INPP5A: variants seen among roughly 807,000 people sequenced by gnomAD.
INPP5A encodes inositol polyphosphate-5-phosphatase A.
Under a neutral mutation model 65.2 loss-of-function variants are expected in INPP5A, and 14 were observed. The ratio of observed to expected loss-of-function variants is 0.21; its 90% confidence interval spans 0.14 to 0.34. The LOEUF is 0.34. INPP5A is among the 10% of genes least tolerant of loss of function. The pLI, the probability that INPP5A is intolerant of heterozygous loss-of-function variation, is 1.00. For missense variants in INPP5A, 431 were observed against 545.6 expected (o/e 0.79, Z 2.09); for synonymous variants, 207 against 208.3 (o/e 0.99, Z 0.05).
chr10:132,670,101 C>T (rs1023795106), intron 4 of INPP5A, among the ~76,000 whole-genome samples: 2 of 143,220 alleles, frequency 1.4e-5, no homozygotes, highest in African/African-American at 5.2e-5. Flanking sequence ...CTAAACCCCA[C>T]GTCCTGAAAC....
chr10:132,720,981 G>A (rs532460408), intron 8 of INPP5A, among the ~76,000 whole-genome samples: 91 of 127,346 alleles, frequency 7.1e-4, no homozygotes, highest in African/African-American at 2.2e-3. Context: ...GTTCTGTGGT[G>A]CCTGGGTTCT....
chr10:132,604,517 G>C (rs181826723), intron 1 of INPP5A, among the ~76,000 whole-genome samples: 133 of 152,334 alleles, frequency 8.7e-4, no homozygotes, highest in Middle Eastern at 3.4e-3. Context: ...GTGAGGTTTG[G>C]GGGGAAAGGG....
chr10:132,608,423 A>AC (rs1210677542), intron 2 of INPP5A, among the ~76,000 whole-genome samples: 1 of 152,106 alleles, frequency 6.6e-6, no homozygotes, highest in Non-Finnish European at 1.5e-5. Context: ...CGAGGCACGG[A>AC]CCCCCCTGTC....
At chr10:132,687,917 GAGTTTAAATGCACTCCTTGA>G (rs1845166642) in intron 4 of INPP5A, among the ~76,000 whole-genome samples, 1 of 152,220 alleles carries the variant, frequency 6.6e-6, no homozygotes, top group African/African-American at 2.4e-5. Context: ...CTCTTTTTAG[GAGTTTAAATGCACTCCTTGA>G]AGTGTGTTCT....
At chr10:132,777,585 T>C (rs1028585300) in intron 12 of INPP5A, 86 bp from the exon 13 acceptor site, 88 of 1,193,270 alleles carry the variant, frequency 7.4e-5, no homozygotes, top group Admixed American at 3.1e-4. Context: ...CTAAGGTGTA[T>C]TGGGAGAGAA....
chr10:132,637,668 T>G lies in INPP5A; in HGVS notation c.118-8200T>G, dbSNP rs1239535522. On this transcript the variant is annotated intron_variant, in intron 2 of 15. Coordinates refer to ENST00000368594, the MANE Select transcript of INPP5A (RefSeq NM_005539.5). The surrounding 1 kb of genome is among the most constrained non-coding windows in gnomAD (Gnocchi z 4.1). Reference sequence around the variant, plus strand: ...TGTGGCTGTCCTCCTCTGTCATGACTGTTCTGTGCTTTGCCTTTGCCGCCC... The same window carrying G: ...TGTGGCTGTCCTCCTCTGTCATGACGGTTCTGTGCTTTGCCTTTGCCGCCC... 2.0e-5 allele frequency among the ~76,000 whole-genome samples: 3 copies of G among 152,212 alleles called. No individual in the cohort carries two copies. The highest frequency in any genetic ancestry group is 2.1e-4 in the South Asian group (1 of 4,830).
In INPP5A at chr10:132,697,256, G is replaced by T. The variant is rs150854693; in HGVS notation, c.371-560G>T. On this transcript the variant is annotated intron_variant, in intron 5 of 15. Transcript: ENST00000368594. This position sits in a 1 kb window ranked among gnomAD's most constrained non-coding sequence, Gnocchi z 5.6. ...GAGGCCTGGTTGTGAACAATAGTGA[G>T]ACGGGCCCTGCCCATGGCGAGGCCT... 1.8e-3 allele frequency among the ~76,000 whole-genome samples: 270 copies of T among 152,378 alleles called. 2 individuals carry two copies. The highest frequency in any genetic ancestry group is 6.2e-3 in the African/African-American group (256 of 41,596).
At chr10:132,732,070 C>T (rs902903225) in intron 9 of INPP5A, among the ~76,000 whole-genome samples, 3 of 152,374 alleles carry the variant, frequency 2.0e-5, no homozygotes, top group East Asian at 1.9e-4. Context: ...CCACCCACCA[C>T]GGCTCATTCA....
chr10:132,744,573 T>C (rs1219503284), intron 9 of INPP5A, among the ~76,000 whole-genome samples: 1 of 152,192 alleles, frequency 6.6e-6, no homozygotes, highest in Non-Finnish European at 1.5e-5. Flanking sequence ...AAAGCCTTAT[T>C]TCCTTGATGA....
chr10:132,729,294 C>T (rs1257818778), intron 9 of INPP5A, among the ~76,000 whole-genome samples: 1 of 152,232 alleles, frequency 6.6e-6, no homozygotes, highest in East Asian at 1.9e-4. Flanking sequence ...ATCACCTGGC[C>T]TGCTCCCCTG....
chr10:132,781,644 G>T (rs1257594772), intron 14 of INPP5A, among the ~76,000 whole-genome samples: 1 of 152,126 alleles, frequency 6.6e-6, no homozygotes, highest in East Asian at 1.9e-4. Flanking sequence ...CTCATGGCCG[G>T]CCTGGCTCCA....
At chr10:132,597,105 A>G (rs1439948135) in intron 1 of INPP5A, among the ~76,000 whole-genome samples, 1 of 142,314 alleles carries the variant, frequency 7.0e-6, no homozygotes, top group East Asian at 2.1e-4. Context: ...ATGTGTTTGC[A>G]TGTGTGTGCA....
intron 9 of INPP5A, among the ~76,000 whole-genome samples, chr10:132,744,707 T>TTA (rs1237679342): frequency 3.9e-5 from 6 of 152,180 alleles, no homozygotes; most frequent in African/African-American, 1.4e-4. Context: ...GAACGCCCTT[T>TTA]TACTCCCTGC....
At chr10:132,543,807 C>T (rs2070935734) in intron 1 of INPP5A, among the ~76,000 whole-genome samples, 1 of 152,272 alleles carries the variant, frequency 6.6e-6, no homozygotes. Context: ...GATGTTTGGC[C>T]TGTTCCCTCC....
chr10:132,690,373 T>A lies in INPP5A; in HGVS notation c.307-19T>A, dbSNP rs1564966532. 1 of 1,534,106 alleles carries A rather than the reference T, an allele frequency of 6.5e-7. No individual in the cohort carries two copies. The highest frequency in any genetic ancestry group is 9.0e-7 in the Non-Finnish European group (1 of 1,109,712). On this transcript the variant is annotated intron_variant, in intron 4 of 15. Coordinates refer to ENST00000368594, the MANE Select transcript of INPP5A (RefSeq NM_005539.5). Reference sequence around the variant, plus strand: ...TCCCAGCACCAGTCTCTCATTTGATTTCTCTTTTTGCTCTACAGGCACTAG... The same window carrying A: ...TCCCAGCACCAGTCTCTCATTTGATATCTCTTTTTGCTCTACAGGCACTAG...
intron 2 of INPP5A, among the ~76,000 whole-genome samples, chr10:132,641,990 C>T (rs917593506): frequency 6.6e-6 from 1 of 152,184 alleles, no homozygotes; most frequent in South Asian, 2.1e-4. Flanking sequence ...CCAGTGTGGA[C>T]CAGTGCTGGC....
intron 1 of INPP5A, among the ~76,000 whole-genome samples, chr10:132,601,132 C>A (rs926079108): frequency 6.6e-6 from 1 of 152,214 alleles, no homozygotes; most frequent in Non-Finnish European, 1.5e-5. Context: ...TCCATCTCAT[C>A]CCAACACTTA....
intron 11 of INPP5A, among the ~76,000 whole-genome samples, chr10:132,754,714 C>T (rs888217832): frequency 1.2e-4 from 18 of 152,246 alleles, no homozygotes; most frequent in African/African-American, 1.7e-4. Context: ...GGCAGGATGC[C>T]GGCCGAGGAA....
Position 132,749,597 on chromosome 10 carries a change from G to C in INPP5A, c.813G>C (p.Ser271=), listed in dbSNP as rs143990293. 6.2e-7 allele frequency: 1 copy of C among 1,612,992 alleles called. No individual in the cohort carries two copies. Among genetic ancestry groups the C allele is most frequent in the South Asian group, 1.1e-5 (1 of 91,086 alleles). ...TGGTGAAGCTCATATTTCGTGAGTC[G>C]GACAACGACCGGAAGGTGAGCGGGG... ...NEVVKLIFRE[S]DNDRKVMLQL... is the part of the protein sequence containing the mutation. Residue 271 remains serine, a synonymous_variant, in exon 10 of 16, where the codon TCG becomes TCC. Transcript: ENST00000368594.
Sources: gnomAD v4.1 joint callset for allele counts (sites outside exome capture counted in the v4.1 genomes callset) on GRCh38, gnomAD v4.1.1 for gene constraint, Gnocchi (gnomAD v3.1) non-coding constraint, MANE v1.5 for transcripts, NCBI Gene and HGNC (gene_info 2026-07-23, HGNC 2026-07-21) for gene names.